Variants in ABI2 observed in about 807,000 individuals in gnomAD.
ABI2 encodes the protein abelson interactor 2.
ABI2 carries 25 observed loss-of-function variants against 59.2 expected under a neutral mutation model. The observed-to-expected ratio is 0.42, with a 90% CI of 0.31 to 0.59. The LOEUF is 0.59. Ranked by LOEUF, ABI2 falls within the 20% of genes least tolerant of loss-of-function variation. The pLI, the probability that ABI2 is intolerant of heterozygous loss-of-function variation, is 0.14. For missense variants in ABI2, 545 were observed against 681.8 expected (o/e 0.80, Z 2.23); for synonymous variants, 213 against 235.5 (o/e 0.90, Z 0.87).
At chr2:203,379,745 A>G (rs1263410043) in intron 2 of ABI2, among the ~76,000 whole-genome samples, 1 of 152,160 alleles carries the variant, frequency 6.6e-6, no homozygotes, top group Non-Finnish European at 1.5e-5. Flanking sequence ...TCTGTAAAGG[A>G]GCCAGCTAAT....
chr2:203,394,648 A>G (rs890840194), intron 5 of ABI2, 52 bp from the exon 6 acceptor site: 30 of 1,557,108 alleles, frequency 1.9e-5, no homozygotes, highest in Admixed American at 9.2e-5. Context: ...CTTTGAATTT[A>G]TTGTGCCGAA....
intron 1 of ABI2, among the ~76,000 whole-genome samples, chr2:203,358,108 TGTG>T (rs2092664446): frequency 1.4e-5 from 2 of 145,974 alleles, no homozygotes; most frequent in Non-Finnish European, 3.1e-5. Context: ...TGTGTGTGTG[TGTG>T]TGTTTGTTTG....
At chr2:203,343,568 A>T (rs1033002714) in intron 1 of ABI2, among the ~76,000 whole-genome samples, 1 of 152,072 alleles carries the variant, frequency 6.6e-6, no homozygotes, top group African/African-American at 2.4e-5. Flanking sequence ...CCTCAAAGAC[A>T]TCCTCCTGCT....
chr2:203,402,845 T>C (rs2097276346), intron 9 of ABI2, 111 bp downstream of exon 9: 2 of 766,798 alleles, frequency 2.6e-6, no homozygotes, highest in East Asian at 3.0e-5. Flanking sequence ...GCACCATTTG[T>C]TGAATGAATG....
chr2:203,342,552 TTTTATTTATTTATTTA>T (rs10623488), intron 1 of ABI2, among the ~76,000 whole-genome samples: 25 of 140,470 alleles, frequency 1.8e-4, no homozygotes, highest in South Asian at 4.7e-4. Flanking sequence ...CCTCAAAACC[TTTTATTTATTTATTTA>T]TTTATTTATT....
rs144218999 is a variant in ABI2, at chr2:203,422,308, C to T, written c.1454-4869C>T. On this transcript the variant is annotated intron_variant, in intron 11 of 11. Transcript: ENST00000261018. ...GTCTCAATAAAAAGAAAAAAAATAT[C>T]GAGAGTCCCTATAAACTGTCTGCCA... Among the ~76,000 whole-genome samples, 4 of 152,110 alleles carry T rather than the reference C, an allele frequency of 2.6e-5. No individual in the cohort carries two copies. In the South Asian group the frequency reaches 6.2e-4, roughly 24 times the overall value.
chr2:203,365,546 A>AT lies in ABI2; in HGVS notation c.118-1325dup, dbSNP rs1426871484. Among the ~76,000 whole-genome samples the AT allele has an allele frequency of 7.7e-5, 10 of 129,440 alleles. No homozygotes were observed. The South Asian group carries it at 1.2e-3, about 16-fold the overall frequency. The allele number at this position is 129,440 out of a possible 152,430, so 84.9% of individuals were successfully genotyped here. A position where few individuals can be genotyped will look rare whatever the true frequency, so the allele number is the denominator to read the frequency against. ...GAGGTGTTGGTATTTTTTTTATTTTATTTTTTGTTACTCTGGGATCAAGAT... is the reference window on the plus strand; with the variant it reads ...GAGGTGTTGGTATTTTTTTTATTTTATTTTTTTGTTACTCTGGGATCAAGAT... On this transcript the variant is annotated intron_variant, in intron 1 of 11. Coordinates refer to ENST00000261018, the MANE Select transcript of ABI2 (RefSeq NM_001375670.1).
intron 2 of ABI2, among the ~76,000 whole-genome samples, 181 bp from the exon 3 acceptor site, chr2:203,380,027 G>A (rs1346725124): frequency 1.3e-5 from 2 of 152,176 alleles, no homozygotes; most frequent in African/African-American, 4.8e-5. Flanking sequence ...GTGGGCCATG[G>A]TTTACCAGCC....
At chr2:203,330,460 A>G (rs1174037137) in intron 1 of ABI2, among the ~76,000 whole-genome samples, 2 of 151,724 alleles carry the variant, frequency 1.3e-5, no homozygotes, top group East Asian at 3.9e-4. Context: ...TTTATGGCCT[A>G]GAACTGTGTG....
At chr2:203,411,118 G>T (rs1282751641) in intron 9 of ABI2, among the ~76,000 whole-genome samples, 167 bp from the exon 10 acceptor site, 1 of 151,998 alleles carries the variant, frequency 6.6e-6, no homozygotes, top group Non-Finnish European at 1.5e-5. Context: ...CCAGTACTTT[G>T]TTTGTGTTAA....
intron 4 of ABI2, among the ~76,000 whole-genome samples, chr2:203,388,765 C>T (rs1026194383): frequency 2.0e-5 from 3 of 151,712 alleles, no homozygotes; most frequent in Admixed American, 1.3e-4. Context: ...TGGTGGGGGG[C>T]GGGTAGGTCC....
In ABI2 at chr2:203,379,894, A is replaced by G. The variant is rs189721925; in HGVS notation, c.286-314A>G. Among the ~76,000 whole-genome samples the G allele has an allele frequency of 2.1e-3, 327 of 152,288 alleles. 2 individuals are homozygous for G. The highest frequency in any genetic ancestry group is 7.3e-3 in the African/African-American group (305 of 41,566). On this transcript the variant is annotated intron_variant, in intron 2 of 11. Transcript: ENST00000261018. ...CTTTACTTATGGAAAAGCAAATTTG[A>G]ATTTTATATAATTTTCACGTGAAGG...
At chr2:203,409,893 CA>C (rs2097584130) in intron 9 of ABI2, among the ~76,000 whole-genome samples, 4 of 152,188 alleles carry the variant, frequency 2.6e-5, no homozygotes, top group Non-Finnish European at 5.9e-5. Context: ...CCTGAAAATC[CA>C]ACCTCTTTCC....
intron 4 of ABI2, among the ~76,000 whole-genome samples, chr2:203,384,937 C>T (rs997049665): frequency 1.3e-4 from 20 of 150,078 alleles, no homozygotes; most frequent in Non-Finnish European, 2.4e-4. Flanking sequence ...CGGGTTCAGG[C>T]GATTCTCCAG....
chr2:203,382,281 G>C, intron 4 of ABI2, 75 bp downstream of exon 4: 1 of 1,254,016 alleles, frequency 8.0e-7, no homozygotes, highest in Non-Finnish European at 1.1e-6. Context: ...TAAAGAGATT[G>C]TTAACTCTTG....
intron 2 of ABI2, chr2:203,376,019 T>C (rs1302558889): frequency 7.1e-7 from 1 of 1,417,750 alleles, no homozygotes; most frequent in African/African-American, 1.4e-5. Context: ...ATTATAGATG[T>C]TTTTTAAAAG....
At chr2:203,395,436 T>TAC (rs1409548547) in intron 6 of ABI2, among the ~76,000 whole-genome samples, 1 of 83,810 alleles carries the variant, frequency 1.2e-5, no homozygotes, top group African/African-American at 3.4e-5. Flanking sequence ...TAAGTAAATA[T>TAC]ATATATATAT....
chr2:203,328,696 C>T (rs1290721602), intron 1 of ABI2, 65 bp downstream of exon 1: 5 of 1,188,084 alleles, frequency 4.2e-6, no homozygotes, highest in African/African-American at 1.6e-5. Flanking sequence ...CGCCTCGGGG[C>T]GTGGGGCCGA....
chr2:203,334,723 C>T (rs942347623), intron 1 of ABI2, among the ~76,000 whole-genome samples: 2 of 150,348 alleles, frequency 1.3e-5, no homozygotes, highest in Admixed American at 1.3e-4. Context: ...TACAGTGGTG[C>T]GATCTCAGCT....
Sources: gnomAD v4.1 joint callset for allele counts (sites outside exome capture counted in the v4.1 genomes callset) on GRCh38, gnomAD v4.1.1 for gene constraint, MANE v1.5 for transcripts, NCBI Gene and HGNC (gene_info 2026-07-23, HGNC 2026-07-21) for gene names.